TAF1: variants seen among roughly 807,000 people sequenced by gnomAD.
TAF1 encodes transcription initiation factor TFIID subunit 1.
TAF1 carries 2 observed loss-of-function variants against 138.5 expected under a neutral mutation model. The ratio of observed to expected loss-of-function variants is 0.01; its 90% CI spans 0.01 to 0.05. TAF1 has a LOEUF of 0.05. Ranked by LOEUF, TAF1 falls within the 10% of genes least tolerant of loss-of-function variation. The pLI, the probability that TAF1 is intolerant of heterozygous loss-of-function variation, is 1.00. For missense variants in TAF1, 709 were observed against 1,478.0 expected, an observed-to-expected ratio of 0.48 and a Z score of 8.53; for synonymous variants, 437 against 503.2, an observed-to-expected ratio of 0.87 and a Z score of 1.76.
In TAF1 at chrX:71,383,083, A is replaced by G. The variant is rs2033994788; in HGVS notation, c.1866A>G (p.Lys622=). 2.0e-5 allele frequency: 24 copies of G among 1,209,432 alleles called. No individual in the cohort carries two copies. Among genetic ancestry groups the G allele is most frequent in the Non-Finnish European group, 2.7e-5 (24 of 895,233 alleles). ...KLRQFHRPPL[K]KYSFGALSQP... is the part of the protein sequence containing the mutation. Reference sequence around the variant, plus strand: ...GGCAGTTCCATCGCCCACCTCTGAAAAAGTACTCATTTGGTGCACTTTCTC... The same window carrying G: ...GGCAGTTCCATCGCCCACCTCTGAAGAAGTACTCATTTGGTGCACTTTCTC... Residue 622 remains lysine (K), a synonymous_variant, in exon 12 of 38, where the codon AAA becomes AAG. Transcript: ENST00000423759.
intron 3 of TAF1, among the ~76,000 whole-genome samples, chrX:71,373,163 G>A (rs1184672593): frequency 1.0e-5 from 1 of 95,408 alleles, no homozygotes; most frequent in African/African-American, 4.0e-5. Context: ...TCTGTGCCTG[G>A]CCACTTTTTT....
intron 28 of TAF1, among the ~76,000 whole-genome samples, chrX:71,419,390 A>AG (rs1250810715): frequency 3.6e-5 from 4 of 110,680 alleles, no homozygotes; most frequent in Admixed American, 9.7e-5. Flanking sequence ...GGAAAAAAAA[A>AG]CAAAAACAAA....
At chrX:71,443,419 A>G (rs1000893889) in intron 32 of TAF1, among the ~76,000 whole-genome samples, 1 of 111,358 alleles carries the variant, frequency 9.0e-6, no homozygotes, top group Non-Finnish European at 1.9e-5. Context: ...TTATCTTTGT[A>G]GTAATTGTGA....
chrX:71,459,486 G>A, intron 35 of TAF1, 66 bp from the exon 36 acceptor site: 1 of 1,175,083 alleles, frequency 8.5e-7, no homozygotes, highest in East Asian at 3.0e-5. Context: ...GGTGTGCCTG[G>A]TGGTGGCTTC....
chrX:71,385,028 C>G lies in TAF1; in HGVS notation c.2205C>G (p.Leu735=), dbSNP rs1226359192. The G allele has an allele frequency of 8.3e-7, 1 of 1,204,101 alleles. No individual in the cohort carries two copies. Among genetic ancestry groups the G allele is most frequent in the African/African-American group, 1.8e-5 (1 of 56,973 alleles). The part of the protein sequence containing the change: ...YCHTSPFLGS[L]HPGQLLQAFE... ...ATACATCTCCTTTCCTGGGTTCTCT[C>G]CATCCTGGCCAATTGCTGCAAGTGA... Residue 735 remains leucine, a synonymous_variant, in exon 14 of 38, where the codon CTC becomes CTG. Coordinates refer to ENST00000423759, the MANE Select transcript of TAF1 (RefSeq NM_004606.5).
chrX:71,433,836 T>TC (rs967428975), intron 32 of TAF1, among the ~76,000 whole-genome samples: 4 of 108,947 alleles, frequency 3.7e-5, no homozygotes, highest in African/African-American at 1.3e-4. Context: ...AGGCTGACTT[T>TC]CCCCCCTCCT....
intron 6 of TAF1, 94 bp from the exon 7 acceptor site, chrX:71,378,141 C>A: frequency 1.1e-6 from 1 of 895,179 alleles, no homozygotes; most frequent in Non-Finnish European, 1.6e-6. Context: ...TCCTCAGTTT[C>A]TCTAAGTTCC....
chrX:71,385,327 GAATTTACTATA>G (rs1174764985), intron 14 of TAF1, among the ~76,000 whole-genome samples: 1 of 111,831 alleles, frequency 8.9e-6, no homozygotes, highest in Non-Finnish European at 1.9e-5. Flanking sequence ...AACCTAGGAT[GAATTTACTATA>G]AATTTACTAT....
intron 13 of TAF1, chrX:71,491,119 A>G (rs1602835605): frequency 2.1e-5 from 2 of 97,520 alleles, no homozygotes; most frequent in South Asian, 1.0e-3. Flanking sequence ...AGAAATCTGT[A>G]GCTGGTTGTG....
rs778273042 is a variant in TAF1 at position 71,459,726 on chromosome X, C to T, written c.5221+18C>T. ...TTTCTCTGGTAGGCCTCAACCATTG[C>T]TTCTATTCCTTTATAACTCACTACA... On this transcript the variant is annotated intron_variant, in intron 36 of 37. Transcript: ENST00000423759. 16 of 1,208,140 alleles carry T rather than the reference C, an allele frequency of 1.3e-5. No homozygotes were observed. The South Asian group carries it at 2.9e-4, about 22-fold the overall frequency.
At chrX:71,458,218 A>G (rs1211082326) in intron 34 of TAF1, 23 bp from the exon 35 acceptor site, 1 of 1,206,587 alleles carries the variant, frequency 8.3e-7, no homozygotes, top group Non-Finnish European at 1.1e-6. Context: ...GATAGAAGCT[A>G]AGTTGTATGT....
At chrX:71,409,148 A>AT (rs1287877577) in intron 28 of TAF1, among the ~76,000 whole-genome samples, 1 of 110,935 alleles carries the variant, frequency 9.0e-6, no homozygotes, top group Non-Finnish European at 1.9e-5. Flanking sequence ...TTACATGTTC[A>AT]CTTTGCTCAA....
At chrX:71,445,787 T>A (rs190246483) in intron 32 of TAF1, among the ~76,000 whole-genome samples, 2 of 112,297 alleles carry the variant, frequency 1.8e-5, no homozygotes, top group Admixed American at 1.9e-4. Flanking sequence ...TTAGTACATA[T>A]AGATTTCTAC....
At chrX:71,503,113 A>G (rs2039541147) in intron 13 of TAF1, among the ~76,000 whole-genome samples, 1 of 106,323 alleles carries the variant, frequency 9.4e-6, no homozygotes, top group Non-Finnish European at 1.9e-5. Flanking sequence ...TCTACTAAAA[A>G]TACAAAAATT....
At chrX:71,427,752 A>G (rs950646642) in intron 32 of TAF1, among the ~76,000 whole-genome samples, 4 of 109,815 alleles carry the variant, frequency 3.6e-5, no homozygotes, top group African/African-American at 1.3e-4. Context: ...CAGCCTGGCC[A>G]AGATGGTGAA....
In TAF1 at chrX:71,392,575, A is replaced by G; in HGVS notation, c.2788A>G (p.Thr930Ala). The change falls in exon 19 of 38, where the codon ACT (threonine) becomes GCT (alanine). Residue 930 changes from threonine to alanine, a missense_variant. Physicochemically the swap from Thr to Ala is moderately conservative, Grantham distance 58 (BLOSUM62 0). Coordinates refer to ENST00000423759, the MANE Select transcript of TAF1 (RefSeq NM_004606.5). ...ATCTTTTTCTTTATCTCAGGTTCGC[A>G]CTGCCCCTTGGAACACCACAAGGGC... Reference protein sequence around the residue: ...FQMKIDDEVRTAPWNTTRAFI... With the variant: ...FQMKIDDEVRAAPWNTTRAFI... 1 of 1,171,310 alleles carries G rather than the reference A, an allele frequency of 8.5e-7. No individual in the cohort carries two copies. The highest frequency in any genetic ancestry group is 1.1e-6 in the Non-Finnish European group (1 of 879,588).
chrX:71,529,055 G>A (rs183957918), intron 14 of TAF1, among the ~76,000 whole-genome samples: 9 of 109,789 alleles, frequency 8.2e-5, no homozygotes, highest in Admixed American at 4.9e-4. Flanking sequence ...GAAACAGAGC[G>A]CTGATTGGTG....
At chrX:71,473,507 A>AT (rs201528884) in intron 13 of TAF1, among the ~76,000 whole-genome samples, 1 of 108,016 alleles carries the variant, frequency 9.3e-6, no homozygotes, top group Non-Finnish European at 1.9e-5. Flanking sequence ...CTTAAAAAAA[A>AT]TTTTTTTTTT....
intron 33 of TAF1, 114 bp downstream of exon 33, chrX:71,454,351 C>T (rs1312096054): frequency 3.3e-6 from 2 of 612,180 alleles, no homozygotes; most frequent in African/African-American, 2.3e-5. Context: ...GACGTGTGGT[C>T]CCAGCTACTC....
Sources: gnomAD v4.1 joint callset for allele counts (sites outside exome capture counted in the v4.1 genomes callset) on GRCh38, gnomAD v4.1.1 for gene constraint, MANE v1.5 for transcripts, NCBI Gene and HGNC (gene_info 2026-07-23, HGNC 2026-07-21) for gene names.